Variants in CORIN observed in about 807,000 individuals in gnomAD.
CORIN encodes atrial natriuretic peptide-converting enzyme.
A neutral mutation model predicts 125.3 loss-of-function variants in CORIN; 117 were observed. The ratio of observed to expected loss-of-function variants is 0.93; its 90% CI spans 0.80 to 1.09. The LOEUF (loss-of-function observed/expected upper bound fraction) is 1.09. CORIN is among the 50% of genes least tolerant of loss of function. The pLI, the probability that CORIN is intolerant of heterozygous loss-of-function variation, is 0.00. For synonymous variants in CORIN, 450 were observed against 466.4 expected, an observed-to-expected ratio of 0.96 and a Z score of 0.45; for missense variants, 1,253 against 1,306.7, an observed-to-expected ratio of 0.96 and a Z score of 0.63.
chr4:47,792,958 A>G lies in CORIN; in HGVS notation c.209-6033T>C, dbSNP rs1731141733. ...GTATTGGGGGATTTGCTGTTGTTAC[A>G]TGACAGAGTCTAGCCAATCTTGACT... On this transcript the variant is annotated intron_variant, in intron 2 of 21. Transcript: ENST00000273857. 2.0e-5 allele frequency among the ~76,000 whole-genome samples: 3 copies of G among 152,254 alleles called. No homozygotes were observed. In the South Asian group the frequency reaches 6.2e-4, roughly 32 times the overall value.
At chr4:47,629,134 T>C (rs374784673) in intron 16 of CORIN, among the ~76,000 whole-genome samples, 175 of 152,324 alleles carry the variant, frequency 1.1e-3, no homozygotes, top group African/African-American at 4.0e-3. Context: ...TTTTCATAAG[T>C]ACTGTACCAA....
At chr4:47,796,958 T>C (rs898681706) in intron 2 of CORIN, among the ~76,000 whole-genome samples, 6 of 151,960 alleles carry the variant, frequency 3.9e-5, no homozygotes, top group African/African-American at 1.4e-4. Flanking sequence ...GTAAACTCTG[T>C]TGTAATTACT....
intron 21 of CORIN, among the ~76,000 whole-genome samples, chr4:47,597,697 G>A (rs1160661518): frequency 6.6e-6 from 1 of 152,202 alleles, no homozygotes; most frequent in Non-Finnish European, 1.5e-5. Flanking sequence ...AGCTATTGAA[G>A]TGGAACTATT....
intron 5 of CORIN, among the ~76,000 whole-genome samples, chr4:47,698,685 C>G (rs531668034): frequency 1.3e-5 from 2 of 152,220 alleles, no homozygotes; most frequent in South Asian, 4.1e-4. Context: ...GTAGGGATAG[C>G]AGCTGGGAGT....
intron 19 of CORIN, among the ~76,000 whole-genome samples, chr4:47,614,661 G>A (rs1441624336): frequency 6.6e-6 from 1 of 152,222 alleles, no homozygotes; most frequent in African/African-American, 2.4e-5. Context: ...ACTCTCTGTA[G>A]AAGAGTTAAC....
chr4:47,786,596 C>A, intron 3 of CORIN, 129 bp downstream of exon 3: 1 of 695,264 alleles, frequency 1.4e-6, no homozygotes. Context: ...CTACGCTTAC[C>A]AGGAAACTGA....
Position 47,643,199 on chromosome 4 carries a change from A to G in CORIN, c.2015T>C (p.Leu672Pro). 3.7e-6 allele frequency: 6 copies of G among 1,614,042 alleles called. No homozygotes were observed. Among genetic ancestry groups the G allele is most frequent in the Non-Finnish European group, 5.1e-6 (6 of 1,179,960 alleles). The change falls in exon 15 of 22, where the codon CTG (leucine) becomes CCG (proline). Residue 672 changes from leucine (L) to proline (P), a missense_variant. Transcript: ENST00000273857. ...CANHACVSRDLWCDGEADCSD... is the reference protein window; with the variant it reads ...CANHACVSRDPWCDGEADCSD... ...GCAGTCGGCTTCACCATCACACCACAGGTCACGTGACACACACGCATGGTT... is the reference window on the plus strand; with the variant it reads ...GCAGTCGGCTTCACCATCACACCACGGGTCACGTGACACACACGCATGGTT...
intron 6 of CORIN, among the ~76,000 whole-genome samples, chr4:47,686,991 G>T (rs1725549481): frequency 6.6e-6 from 1 of 152,116 alleles, no homozygotes; most frequent in South Asian, 2.1e-4. Context: ...CACTGCATTG[G>T]AGATATTTTA....
intron 12 of CORIN, chr4:47,661,466 C>T: frequency 2.3e-6 from 1 of 432,906 alleles, no homozygotes; most frequent in Non-Finnish European, 4.1e-6. Flanking sequence ...CACCTATGTA[C>T]CCACAAAAAT....
intron 3 of CORIN, among the ~76,000 whole-genome samples, chr4:47,769,305 G>C (rs1423931402): frequency 2.0e-5 from 3 of 151,700 alleles, no homozygotes; most frequent in African/African-American, 7.3e-5. Flanking sequence ...AAAATACTTA[G>C]GAATAAATTT....
chr4:47,716,221 C>A (rs1349520760), intron 5 of CORIN, among the ~76,000 whole-genome samples: 4 of 152,196 alleles, frequency 2.6e-5, no homozygotes, highest in African/African-American at 9.6e-5. Context: ...AACATCTGTT[C>A]TGTTTACACA....
intron 16 of CORIN, among the ~76,000 whole-genome samples, chr4:47,629,189 T>A (rs1358451210): frequency 5.9e-5 from 9 of 152,154 alleles, no homozygotes; most frequent in Non-Finnish European, 1.3e-4. Context: ...CTTCTCCACT[T>A]CTCCCCAACA....
intron 10 of CORIN, among the ~76,000 whole-genome samples, chr4:47,669,964 C>T (rs1724669894): frequency 6.6e-6 from 1 of 152,200 alleles, no homozygotes; most frequent in Non-Finnish European, 1.5e-5. Flanking sequence ...TTAAGTCTCT[C>T]GTAGTCTTTG....
intron 3 of CORIN, among the ~76,000 whole-genome samples, chr4:47,776,031 T>G (rs904652536): frequency 1.3e-5 from 2 of 149,860 alleles, no homozygotes; most frequent in Non-Finnish European, 3.0e-5. Context: ...TAGCTGGGGG[T>G]TTTTTTGAGT....
At chr4:47,643,579 C>T (rs767747343) in intron 14 of CORIN, among the ~76,000 whole-genome samples, 35 of 152,076 alleles carry the variant, frequency 2.3e-4, no homozygotes, top group Admixed American at 3.9e-4. Flanking sequence ...TCTGCATGAG[C>T]AGAGCATGAG....
rs1434836276 is a variant in CORIN, at chr4:47,786,712, C to T, written c.409+13G>A. On this transcript the variant is annotated intron_variant, in intron 3 of 21. Transcript: ENST00000273857. ...CATTAAAAGCCTCTAGCATGTATCA[C>T]CTTTGGACTTACTTGTATTCCTGTG... The T allele has an allele frequency of 4.4e-6, 7 of 1,608,342 alleles. No individual in the cohort carries two copies. The highest frequency in any genetic ancestry group is 6.0e-6 in the Non-Finnish European group (7 of 1,174,732).
At chr4:47,603,372 A>G (rs750712565) in intron 20 of CORIN, 25 bp downstream of exon 20, 2 of 1,608,462 alleles carry the variant, frequency 1.2e-6, no homozygotes, top group Non-Finnish European at 1.7e-6. Context: ...TAGCAGCATG[A>G]GAATGGACTA....
At chr4:47,719,867 T>G (rs1727269776) in intron 5 of CORIN, among the ~76,000 whole-genome samples, 1 of 152,142 alleles carries the variant, frequency 6.6e-6, no homozygotes, top group South Asian at 2.1e-4. Context: ...TTCAGAAAAT[T>G]TTTTCAAATA....
chr4:47,657,663 C>T (rs148547488), intron 12 of CORIN, among the ~76,000 whole-genome samples: 23 of 152,002 alleles, frequency 1.5e-4, no homozygotes, highest in African/African-American at 2.7e-4. Flanking sequence ...GGAGGCCTCA[C>T]GAAGCTTACA....
Sources: gnomAD v4.1 joint callset for allele counts (sites outside exome capture counted in the v4.1 genomes callset) on GRCh38, gnomAD v4.1.1 for gene constraint, MANE v1.5 for transcripts, NCBI Gene and HGNC (gene_info 2026-07-23, HGNC 2026-07-21) for gene names.